The following KCNQ1 variants were observed in gnomAD, a reference collection of about 807,000 sequenced individuals.
KCNQ1 encodes the protein potassium voltage-gated channel subfamily KQT member 1.
A neutral mutation model predicts 72.4 loss-of-function variants in KCNQ1; 49 were observed. That is an observed-to-expected ratio of 0.68 (90% confidence interval 0.54 to 0.86). The LOEUF is 0.86. Ranked by LOEUF, KCNQ1 falls within the 40% of genes least tolerant of loss-of-function variation. The probability of loss-of-function intolerance (pLI) is 0.00; values close to 1 mark genes in which losing one functional copy is unlikely to be tolerated. For synonymous variants in KCNQ1, 450 were observed against 412.6 expected (o/e 1.09, Z -1.10); for missense variants, 790 against 945.1 (o/e 0.84, Z 2.15).
At chr11:2,469,870 C>T (rs1446951516) in intron 1 of KCNQ1, among the ~76,000 whole-genome samples, 1 of 151,830 alleles carries the variant, frequency 6.6e-6, no homozygotes, top group Non-Finnish European at 1.5e-5. Flanking sequence ...GACAGGGTTT[C>T]ACCGTGGTCT....
rs1360263466 is a variant in KCNQ1, at chr11:2,827,029, G to A, written c.1795-20738G>A. Among the ~76,000 whole-genome samples the A allele has an allele frequency of 3.3e-5, 5 of 152,176 alleles. No homozygotes were observed. The highest frequency in any genetic ancestry group is 5.9e-5 in the Non-Finnish European group (4 of 68,024). On this transcript the variant is annotated intron_variant, in intron 15 of 15. Coordinates refer to ENST00000155840, the MANE Select transcript of KCNQ1 (RefSeq NM_000218.3). This position sits in a 1 kb window ranked among gnomAD's most constrained non-coding sequence, Gnocchi z 6.7. ...CATTTTCAGTCACTCACAAGCCACA[G>A]GAGGGCTTCAGCCTGAAGCTCAGAG...
Position 2,621,084 on chromosome 11 carries a change from TCTC to T in KCNQ1, c.1393+32233_1393+32235del, listed in dbSNP as rs1564836225. ...CCTCCACCTCCTGGGTTCAAGCAAT[TCTC>T]CTGTCTCAGACTCCTGAGTAGCTGG... On this transcript the variant is annotated intron_variant, in intron 10 of 15. Coordinates refer to ENST00000155840, the MANE Select transcript of KCNQ1 (RefSeq NM_000218.3). The surrounding 1 kb of genome is among the most constrained non-coding windows in gnomAD (Gnocchi z 5.7). 5.0e-6 allele frequency: 2 copies of T among 397,114 alleles called. No individual in the cohort carries two copies. The highest frequency in any genetic ancestry group is 4.1e-5 in the African/African-American group (2 of 48,556). The allele number at this position is 397,114 out of a possible 1,614,324, so 24.6% of individuals were successfully genotyped here.
intron 2 of KCNQ1, among the ~76,000 whole-genome samples, chr11:2,534,869 A>T (rs1847703654): frequency 6.6e-6 from 1 of 152,252 alleles, no homozygotes; most frequent in South Asian, 2.1e-4. Flanking sequence ...ATGTGCAAGC[A>T]GCCCATGGGC....
rs1399518363 is a variant in KCNQ1 at position 2,784,915 on chromosome 11, T to C, written c.1794+6878T>C. Among the ~76,000 whole-genome samples, 1 of 152,052 alleles carries C rather than the reference T, an allele frequency of 6.6e-6. No individual in the cohort carries two copies. Among genetic ancestry groups the C allele is most frequent in the East Asian group, 1.9e-4 (1 of 5,206 alleles). ...TTCTATTCTTGGCTTTAGCCATTTT[T>C]GTTGTTGCTATTGATTTCTTAAGAT... On this transcript the variant is annotated intron_variant, in intron 15 of 15. Transcript: ENST00000155840. The surrounding 1 kb of genome is among the most constrained non-coding windows in gnomAD (Gnocchi z 4.7).
chr11:2,804,116 A>G (rs549826839), intron 15 of KCNQ1, among the ~76,000 whole-genome samples: 42 of 152,216 alleles, frequency 2.8e-4, no homozygotes, highest in African/African-American at 9.9e-4. Context: ...TGGATTCTCT[A>G]CAGCGCCCAG....
In KCNQ1 at chr11:2,784,602, C is replaced by G. The variant is rs1305883936; in HGVS notation, c.1794+6565C>G. Among the ~76,000 whole-genome samples the G allele has an allele frequency of 6.6e-6, 1 of 151,878 alleles. No individual in the cohort carries two copies. Among genetic ancestry groups the G allele is most frequent in the African/African-American group, 2.4e-5 (1 of 41,402 alleles). Reference sequence around the variant, plus strand: ...GATTTTGATAGGCATTGTGTTGAATCTATAGATCCATTTGGGGAAAATTGA... The same window carrying G: ...GATTTTGATAGGCATTGTGTTGAATGTATAGATCCATTTGGGGAAAATTGA... On this transcript the variant is annotated intron_variant, in intron 15 of 15. Coordinates refer to ENST00000155840, the MANE Select transcript of KCNQ1 (RefSeq NM_000218.3). The surrounding 1 kb of genome is among the most constrained non-coding windows in gnomAD (Gnocchi z 4.7).
At chr11:2,662,546 G>A in intron 11 of KCNQ1, 1 of 427,630 alleles carries the variant, frequency 2.3e-6, no homozygotes, top group Non-Finnish European at 4.1e-6. Context: ...ACGCCTTCCA[G>A]TTGGCCTTCC....
In KCNQ1 at chr11:2,664,360, C is replaced by T. The variant is rs1221105306; in HGVS notation, c.1514+2279C>T. On this transcript the variant is annotated intron_variant, in intron 11 of 15. Transcript: ENST00000155840. The surrounding 1 kb of genome is among the most constrained non-coding windows in gnomAD (Gnocchi z 5.1). Reference sequence around the variant, plus strand: ...CAGGGGAGCTGGGTTCCTGCATCCTCAGAAGTCAGGGTACGGTCCCTCCAG... The same window carrying T: ...CAGGGGAGCTGGGTTCCTGCATCCTTAGAAGTCAGGGTACGGTCCCTCCAG... The T allele has an allele frequency of 5.0e-6, 2 of 398,714 alleles. No individual in the cohort carries two copies. The highest frequency in any genetic ancestry group is 8.8e-6 in the Non-Finnish European group (2 of 226,214). The allele number at this position is 398,714 out of a possible 1,614,324, so 24.7% of individuals were successfully genotyped here.
intron 11 of KCNQ1, among the ~76,000 whole-genome samples, chr11:2,754,064 A>G (rs1846264481): frequency 1.3e-5 from 2 of 152,284 alleles, no homozygotes; most frequent in South Asian, 2.1e-4. Context: ...GAACACATGC[A>G]CATGAACACA....
rs1188209867 is a variant in KCNQ1, at chr11:2,620,943, G to GT, written c.1393+32093dup. Reference sequence around the variant, plus strand: ...GGTGTTTTTTTGTTGTTGTTGTTTTGTTTTGTTTTTTTTTGTCTGTTTTTT... The same window carrying GT: ...GGTGTTTTTTTGTTGTTGTTGTTTTGTTTTTGTTTTTTTTTGTCTGTTTTTT... On this transcript the variant is annotated intron_variant, in intron 10 of 15. Transcript: ENST00000155840. The surrounding 1 kb of genome is among the most constrained non-coding windows in gnomAD (Gnocchi z 4.5). 9.8e-6 allele frequency: 3 copies of GT among 306,682 alleles called. No individual in the cohort carries two copies. The highest frequency in any genetic ancestry group is 6.9e-4 in the Middle Eastern group (1 of 1,442). The allele number at this position is 306,682 out of a possible 1,614,324, so 19.0% of individuals were successfully genotyped here.
Position 2,623,834 on chromosome 11 carries a change from A to G in KCNQ1, c.1393+34980A>G, listed in dbSNP as rs1849216412. 2.5e-6 allele frequency: 1 copy of G among 398,624 alleles called. No individual in the cohort carries two copies. The highest frequency in any genetic ancestry group is 3.6e-5 in the East Asian group (1 of 28,070). 24.7% of individuals were successfully genotyped at this position (398,624 alleles called of 1,614,324 possible). ...TGGTAAGAATATGTTTAATTTTATAAGAAACCACTGATTTCGATATACTCT... is the reference window on the plus strand; with the variant it reads ...TGGTAAGAATATGTTTAATTTTATAGGAAACCACTGATTTCGATATACTCT... On this transcript the variant is annotated intron_variant, in intron 10 of 15. Transcript: ENST00000155840. The surrounding 1 kb of genome is among the most constrained non-coding windows in gnomAD (Gnocchi z 5.2).
chr11:2,532,986 G>A (rs1847666517), intron 2 of KCNQ1, among the ~76,000 whole-genome samples: 1 of 152,216 alleles, frequency 6.6e-6, no homozygotes, highest in African/African-American at 2.4e-5. Context: ...ATGCAACTCA[G>A]GAGCTGCTGG....
chr11:2,832,255 G>A (rs1847967343), intron 15 of KCNQ1, among the ~76,000 whole-genome samples: 1 of 152,204 alleles, frequency 6.6e-6, no homozygotes. Flanking sequence ...GAGAAGCCTT[G>A]GACCTGGCCC....
In KCNQ1 at chr11:2,620,211, A is replaced by ATAT. The variant is rs1383035176; in HGVS notation, c.1393+31358_1393+31359insATT. On this transcript the variant is annotated intron_variant, in intron 10 of 15. Transcript: ENST00000155840. This position sits in a 1 kb window ranked among gnomAD's most constrained non-coding sequence, Gnocchi z 4.5. Reference sequence around the variant, plus strand: ...TAAGTTCATTCATGTATATATATATATTTTTTTTTTTTATTTTTTTTTTAG... The same window carrying ATAT: ...TAAGTTCATTCATGTATATATATATATATTTTTTTTTTTTTATTTTTTTTTTAG... 498 of 261,980 alleles carry ATAT rather than the reference A, an allele frequency of 1.9e-3. 4 individuals are homozygous for ATAT. Among genetic ancestry groups the ATAT allele is most frequent in the African/African-American group, 0.01 (399 of 38,112 alleles). The allele number at this position is 261,980 out of a possible 1,614,324, so 16.2% of individuals were successfully genotyped here. A position where few individuals can be genotyped will look rare whatever the true frequency, so the allele number is the denominator to read the frequency against.
intron 15 of KCNQ1, among the ~76,000 whole-genome samples, chr11:2,780,359 C>T (rs77490225): frequency 1.9e-4 from 29 of 152,348 alleles, no homozygotes; most frequent in African/African-American, 2.4e-4. Flanking sequence ...ATACCCCAAG[C>T]GCAATCCTGC....
intron 11 of KCNQ1, among the ~76,000 whole-genome samples, chr11:2,707,687 A>C (rs2283199): frequency 0.011 from 1,737 of 152,334 alleles, 53 homozygotes; most frequent in East Asian, 0.089. Context: ...CTTCATCCAC[A>C]CTACCACCCA....
At chr11:2,573,536 TGGGCCTGCAAGTTCTGGAGCC>T (rs1210667531) in intron 6 of KCNQ1, among the ~76,000 whole-genome samples, 3 of 152,216 alleles carry the variant, frequency 2.0e-5, no homozygotes, top group Admixed American at 2.0e-4. Flanking sequence ...CAGTGGATGC[TGGGCCTGCAAGTTCTGGAGCC>T]GGGCCTGGGC....
intron 1 of KCNQ1, among the ~76,000 whole-genome samples, chr11:2,487,841 T>G (rs1170342877): frequency 1.3e-5 from 2 of 152,192 alleles, no homozygotes; most frequent in African/African-American, 4.8e-5. Context: ...TTTTCCATTC[T>G]GGATGCCTTT....
rs142638766 is a variant in KCNQ1, at chr11:2,715,828, G to A, written c.1515-53016G>A. On this transcript the variant is annotated intron_variant, in intron 11 of 15. Coordinates refer to ENST00000155840, the MANE Select transcript of KCNQ1 (RefSeq NM_000218.3). This position sits in a 1 kb window ranked among gnomAD's most constrained non-coding sequence, Gnocchi z 4.9. ...CCCACATCCCCGCAGCCTTGCGCTG[G>A]TCTAAATGCCTCCCAGCCTCCTGAG... Among the ~76,000 whole-genome samples, 488 of 152,360 alleles carry A rather than the reference G, an allele frequency of 3.2e-3. 5 individuals carry two copies. The highest frequency in any genetic ancestry group is 0.011 in the African/African-American group (467 of 41,592).
Sources: allele counts gnomAD v4.1 joint callset (sites outside exome capture counted in the v4.1 genomes callset), GRCh38; gene constraint gnomAD v4.1.1; non-coding constraint Gnocchi (gnomAD v3.1); transcripts MANE v1.5; gene names NCBI Gene and HGNC (gene_info 2026-07-23, HGNC 2026-07-21).